The following ALDH1A2 variants were observed in gnomAD, a reference collection of about 807,000 sequenced individuals.
ALDH1A2 encodes retinal dehydrogenase 2.
A neutral mutation model predicts 60.3 loss-of-function variants in ALDH1A2; 27 were observed. That is an observed-to-expected ratio of 0.45 (90% CI 0.33 to 0.62). The LOEUF is 0.62. Among genes scored for constraint, ALDH1A2 ranks in the 20% least tolerant of loss-of-function variants. The probability of loss-of-function intolerance (pLI) is 0.02; values close to 1 mark genes in which losing one functional copy is unlikely to be tolerated. For missense variants in ALDH1A2, 581 were observed against 643.8 expected, an observed-to-expected ratio of 0.90 and a Z score of 1.06; for synonymous variants, 289 against 232.4, an observed-to-expected ratio of 1.24 and a Z score of -2.21.
At chr15:58,035,368 G>C (rs187252496) in intron 1 of ALDH1A2, among the ~76,000 whole-genome samples, 1 of 151,404 alleles carries the variant, frequency 6.6e-6, no homozygotes, top group East Asian at 1.9e-4. Context: ...TACATGTTTA[G>C]CAATTTTATT....
intron 7 of ALDH1A2, among the ~76,000 whole-genome samples, chr15:57,966,539 T>C (rs1006300471): frequency 6.6e-6 from 1 of 152,196 alleles, no homozygotes; most frequent in Admixed American, 6.5e-5. Flanking sequence ...ACCTCAGTGA[T>C]GGGGAATGCT....
intron 4 of ALDH1A2, among the ~76,000 whole-genome samples, chr15:57,996,848 T>C (rs1432680817): frequency 3.3e-5 from 5 of 152,106 alleles, no homozygotes; most frequent in African/African-American, 1.2e-4. Flanking sequence ...GCTAATCTGA[T>C]AGCTGGAAAA....
chr15:58,013,378 T>C (rs1436325725), intron 3 of ALDH1A2, among the ~76,000 whole-genome samples: 2 of 152,164 alleles, frequency 1.3e-5, no homozygotes, highest in East Asian at 1.9e-4. Flanking sequence ...TTACCAGTCA[T>C]GGCAAGCTCC....
At chr15:58,042,313 T>C (rs1266072772) in intron 1 of ALDH1A2, among the ~76,000 whole-genome samples, 3 of 151,936 alleles carry the variant, frequency 2.0e-5, no homozygotes, top group Non-Finnish European at 2.9e-5. Flanking sequence ...TACCTACCTA[T>C]CATACTGTCC....
chr15:58,050,037 C>T (rs918874156), intron 1 of ALDH1A2, among the ~76,000 whole-genome samples: 1 of 151,976 alleles, frequency 6.6e-6, no homozygotes, highest in Admixed American at 6.6e-5. Flanking sequence ...TGTTTATTTT[C>T]AAAGCCACGG....
chr15:58,035,010 T>C (rs1419506774), intron 1 of ALDH1A2, among the ~76,000 whole-genome samples: 1 of 151,668 alleles, frequency 6.6e-6, no homozygotes, highest in Non-Finnish European at 1.5e-5. Context: ...CTCCCTCTGC[T>C]TCAACTTTCT....
chr15:58,007,535 T>A (rs1309204760), intron 4 of ALDH1A2, among the ~76,000 whole-genome samples: 1 of 152,000 alleles, frequency 6.6e-6, no homozygotes, highest in Admixed American at 6.6e-5. Context: ...CACTAAACCC[T>A]TGCAGTCTTA....
chr15:58,013,623 G>T lies in ALDH1A2; in HGVS notation c.363+235C>A, dbSNP rs146918561. Among the ~76,000 whole-genome samples the T allele has an allele frequency of 2.9e-3, 445 of 152,158 alleles. 1 individual carries two copies. The highest frequency in any genetic ancestry group is 0.014 in the Middle Eastern group (4 of 294). ...AAAAATTAGCCAGGTGTGGTGGCAC[G>T]TGCACGTAATCCCAGCTACTCAGGA... On this transcript the variant is annotated intron_variant, in intron 3 of 12. Transcript: ENST00000249750.
At chr15:58,065,513 G>C (rs775485161) in intron 1 of ALDH1A2, 21 bp downstream of exon 1, 12 of 1,586,140 alleles carry the variant, frequency 7.6e-6, no homozygotes, top group Admixed American at 1.7e-5. Flanking sequence ...CGTGGACGAC[G>C]GGCGCTGGGC....
At chr15:58,019,751 A>T (rs1216634582) in intron 1 of ALDH1A2, among the ~76,000 whole-genome samples, 1 of 152,188 alleles carries the variant, frequency 6.6e-6, no homozygotes, top group Non-Finnish European at 1.5e-5. Context: ...AATGATAGGC[A>T]CTTAGCTAAC....
intron 4 of ALDH1A2, among the ~76,000 whole-genome samples, chr15:57,997,018 C>A (rs1249566843): frequency 2.6e-5 from 4 of 151,856 alleles, no homozygotes; most frequent in Non-Finnish European, 5.9e-5. Flanking sequence ...AAGATTTTTC[C>A]CCAATCTGCT....
At chr15:57,958,290 T>C (rs1383191034) in intron 12 of ALDH1A2, among the ~76,000 whole-genome samples, 1 of 152,236 alleles carries the variant, frequency 6.6e-6, no homozygotes, top group East Asian at 1.9e-4. Context: ...GCCAGTGTCC[T>C]GAGTTTTTAA....
At chr15:58,033,510 A>G (rs1463200490) in intron 1 of ALDH1A2, among the ~76,000 whole-genome samples, 5 of 151,840 alleles carry the variant, frequency 3.3e-5, no homozygotes, top group Admixed American at 6.6e-5. Context: ...AAATTAATCA[A>G]TATCTTAAAC....
At chr15:57,985,884 G>C (rs1894683582) in intron 7 of ALDH1A2, among the ~76,000 whole-genome samples, 1 of 152,156 alleles carries the variant, frequency 6.6e-6, no homozygotes, top group Non-Finnish European at 1.5e-5. Context: ...TTACTTATGA[G>C]AGTAAAGTAC....
chr15:57,993,182 G>C, intron 5 of ALDH1A2, 109 bp from the exon 6 acceptor site: 3 of 1,340,938 alleles, frequency 2.2e-6, no homozygotes, highest in Non-Finnish European at 3.1e-6. Flanking sequence ...CATAAATCTT[G>C]TCCACTACAA....
chr15:58,047,075 T>TA (rs1896657121), intron 1 of ALDH1A2, among the ~76,000 whole-genome samples: 2 of 152,012 alleles, frequency 1.3e-5, no homozygotes, highest in Non-Finnish European at 2.9e-5. Flanking sequence ...AAAATGGCCA[T>TA]AACTATATAG....
chr15:57,988,146 T>G lies in ALDH1A2; in HGVS notation c.798+4559A>C, dbSNP rs541450956. Among the ~76,000 whole-genome samples, 258 of 152,292 alleles carry G rather than the reference T, an allele frequency of 1.7e-3. 2 individuals carry two copies. The highest frequency in any genetic ancestry group is 6.8e-3 in the Middle Eastern group (2 of 294). ...AAACAAAAACAGCAGCAATGTATTG[T>G]GGGGCATATAACCTATGTCTAAGTA... On this transcript the variant is annotated intron_variant, in intron 7 of 12. Coordinates refer to ENST00000249750, the MANE Select transcript of ALDH1A2 (RefSeq NM_003888.4).
intron 1 of ALDH1A2, among the ~76,000 whole-genome samples, chr15:58,045,091 T>C (rs1460234926): frequency 3.9e-5 from 6 of 152,030 alleles, no homozygotes; most frequent in Non-Finnish European, 8.8e-5. Flanking sequence ...GCAAAGCATA[T>C]GAACAGAGAC....
intron 1 of ALDH1A2, among the ~76,000 whole-genome samples, chr15:58,061,908 A>G (rs1897049092): frequency 6.6e-6 from 1 of 152,078 alleles, no homozygotes; most frequent in African/African-American, 2.4e-5. Flanking sequence ...CTAACAACCA[A>G]TTTTTGGCAC....
Sources: allele counts gnomAD v4.1 joint callset (sites outside exome capture counted in the v4.1 genomes callset), GRCh38; gene constraint gnomAD v4.1.1; transcripts MANE v1.5; gene names NCBI Gene and HGNC (gene_info 2026-07-23, HGNC 2026-07-21).